The following APBA2 variants were observed in gnomAD, a reference collection of about 807,000 sequenced individuals.
APBA2 encodes the protein amyloid beta precursor protein binding family A member 2, also known as amyloid-beta A4 precursor protein-binding family A member 2.
APBA2 carries 30 observed loss-of-function variants against 75.0 expected under a neutral mutation model. The observed-to-expected ratio is 0.40, with a 90% CI of 0.30 to 0.54. The LOEUF (loss-of-function observed/expected upper bound fraction) is 0.54. Ranked by LOEUF, APBA2 falls within the 20% of genes least tolerant of loss-of-function variation. APBA2 has a pLI of 0.49. For missense variants in APBA2, 801 were observed against 1,016.1 expected (o/e 0.79, Z 2.88); for synonymous variants, 444 against 409.6 (o/e 1.08, Z -1.01).
intron 3 of APBA2, among the ~76,000 whole-genome samples, chr15:29,022,762 G>T (rs1404364290): frequency 1.3e-5 from 2 of 152,040 alleles, no homozygotes; most frequent in African/African-American, 4.8e-5. Flanking sequence ...TCTCATTGGA[G>T]GTTCTTTTGG....
intron 1 of APBA2, among the ~76,000 whole-genome samples, chr15:28,915,838 A>C (rs2033665711): frequency 6.7e-6 from 1 of 148,520 alleles, no homozygotes; most frequent in Non-Finnish European, 1.5e-5. Context: ...CACACCATAC[A>C]TAGCACACAC....
chr15:28,942,728 T>C (rs1027421278), intron 2 of APBA2, among the ~76,000 whole-genome samples: 1 of 152,182 alleles, frequency 6.6e-6, no homozygotes, highest in Non-Finnish European at 1.5e-5. Flanking sequence ...GAGGTATCCT[T>C]ACCCCAGGAC....
chr15:28,892,528 A>T (rs893255032), intron 1 of APBA2, among the ~76,000 whole-genome samples: 1 of 152,080 alleles, frequency 6.6e-6, no homozygotes, highest in Admixed American at 6.6e-5. Context: ...CAAGGTGTGG[A>T]GTAGGTTTGT....
In APBA2 at chr15:28,913,284, G is replaced by A. The variant is rs2033517468; in HGVS notation, c.-204-8356G>A. Among the ~76,000 whole-genome samples the A allele has an allele frequency of 3.9e-5, 6 of 152,310 alleles. No individual in the cohort carries two copies. In the South Asian group the frequency reaches 1.2e-3, roughly 32 times the overall value. ...GTCAGCTGGGTTTGTCCTCACAGTA[G>A]CTCGAGGAGCAGGCGGGGCAGCATC... On this transcript the variant is annotated intron_variant, in intron 1 of 14. Coordinates refer to ENST00000683413, the MANE Select transcript of APBA2 (RefSeq NM_001353788.2).
chr15:28,937,345 G>A (rs1486819886), intron 2 of APBA2, among the ~76,000 whole-genome samples: 1 of 152,184 alleles, frequency 6.6e-6, no homozygotes, highest in African/African-American at 2.4e-5. Flanking sequence ...TCACATTCAG[G>A]TGTGCCATCT....
chr15:28,969,183 T>TCTTTCTTTC (rs71132862), intron 2 of APBA2, among the ~76,000 whole-genome samples: 1 of 144,968 alleles, frequency 6.9e-6, no homozygotes. Flanking sequence ...TTTCTTTCTT[T>TCTTTCTTTC]TTTTTATTTT....
chr15:28,964,072 T>C (rs1426528345), intron 2 of APBA2, among the ~76,000 whole-genome samples: 2 of 152,254 alleles, frequency 1.3e-5, no homozygotes. Context: ...TGGAGGACAT[T>C]TGGAGTTTCC....
At chr15:29,086,702 G>A (rs951365346) in intron 6 of APBA2, among the ~76,000 whole-genome samples, 5 of 152,190 alleles carry the variant, frequency 3.3e-5, no homozygotes, top group Admixed American at 1.3e-4. Flanking sequence ...TCCCACAAGG[G>A]ATGTACAGTC....
At chr15:28,909,132 G>A (rs1404965754) in intron 1 of APBA2, among the ~76,000 whole-genome samples, 8 of 151,850 alleles carry the variant, frequency 5.3e-5, no homozygotes, top group Middle Eastern at 6.8e-3. Context: ...GGCTACAGGC[G>A]CCCGCCACCA....
chr15:29,029,330 A>T (rs2040373948), intron 3 of APBA2, among the ~76,000 whole-genome samples: 1 of 150,322 alleles, frequency 6.7e-6, no homozygotes, highest in Admixed American at 6.6e-5. Flanking sequence ...CCACTTTTCT[A>T]CCAAAAAAAA....
intron 4 of APBA2, among the ~76,000 whole-genome samples, chr15:29,072,332 G>A (rs192520547): frequency 6.6e-6 from 1 of 152,296 alleles, no homozygotes; most frequent in East Asian, 1.9e-4. Context: ...GTAAAATACC[G>A]ACGTGTGCTA....
intron 1 of APBA2, among the ~76,000 whole-genome samples, chr15:28,907,410 C>T (rs540719586): frequency 1.3e-5 from 2 of 152,286 alleles, no homozygotes; most frequent in East Asian, 3.9e-4. Context: ...TCTTAAAGGG[C>T]CATTACCTCT....
chr15:29,075,590 A>G (rs1047985446), intron 5 of APBA2, among the ~76,000 whole-genome samples: 1 of 152,216 alleles, frequency 6.6e-6, no homozygotes, highest in African/African-American at 2.4e-5. Flanking sequence ...ACAGGTTTTA[A>G]CAAACAATTT....
At chr15:28,909,153 A>AT (rs928446582) in intron 1 of APBA2, among the ~76,000 whole-genome samples, 142 of 148,538 alleles carry the variant, frequency 9.6e-4, no homozygotes, top group African/African-American at 3.3e-3. Context: ...TGCCTGGCTA[A>AT]TTTTTTTTTT....
chr15:28,941,704 T>C (rs2035237113), intron 2 of APBA2, among the ~76,000 whole-genome samples: 1 of 152,190 alleles, frequency 6.6e-6, no homozygotes, highest in Non-Finnish European at 1.5e-5. Flanking sequence ...GCCCCTCTTC[T>C]TCCCTGCCTG....
intron 1 of APBA2, among the ~76,000 whole-genome samples, chr15:28,915,322 C>CCACACACCACAA (rs2033639254): frequency 7.2e-6 from 1 of 138,892 alleles, no homozygotes; most frequent in Non-Finnish European, 1.6e-5. Context: ...ACACACCATA[C>CCACACACCACAA]ACATATCCCA....
chr15:29,059,732 T>G (rs905066026), intron 4 of APBA2, among the ~76,000 whole-genome samples: 4 of 152,108 alleles, frequency 2.6e-5, no homozygotes, highest in Non-Finnish European at 5.9e-5. Context: ...CTAGGAGCAA[T>G]GTATTCAGTA....
intron 1 of APBA2, among the ~76,000 whole-genome samples, chr15:28,903,912 T>C (rs1465925100): frequency 6.6e-6 from 1 of 152,040 alleles, no homozygotes; most frequent in African/African-American, 2.4e-5. Context: ...CAAGGACAAG[T>C]CAGAGGAAGT....
At chr15:28,995,473 CAG>C (rs1456811671) in intron 2 of APBA2, among the ~76,000 whole-genome samples, 1 of 152,218 alleles carries the variant, frequency 6.6e-6, no homozygotes, top group African/African-American at 2.4e-5. Flanking sequence ...CATTAAAATG[CAG>C]AGAGTCTCTC....
Sources: gnomAD v4.1 joint callset for allele counts (sites outside exome capture counted in the v4.1 genomes callset) on GRCh38, gnomAD v4.1.1 for gene constraint, MANE v1.5 for transcripts, NCBI Gene and HGNC (gene_info 2026-07-23, HGNC 2026-07-21) for gene names.